MAPK4: variants seen among roughly 807,000 people sequenced by gnomAD.
The protein encoded by MAPK4 is Erk3-related.
A neutral mutation model predicts 47.7 loss-of-function variants in MAPK4; 22 were observed. The observed-to-expected ratio is 0.46, with a 90% CI of 0.33 to 0.66. The LOEUF (loss-of-function observed/expected upper bound fraction) is 0.66. Among genes scored for constraint, MAPK4 ranks in the 30% least tolerant of loss-of-function variants. The pLI is 0.02. For missense variants in MAPK4, 736 were observed against 831.7 expected, an observed-to-expected ratio of 0.88 and a Z score of 1.42; for synonymous variants, 390 against 365.7, an observed-to-expected ratio of 1.07 and a Z score of -0.76.
At chr18:50,634,216 A>G (rs1403563197) in intron 1 of MAPK4, among the ~76,000 whole-genome samples, 1 of 152,068 alleles carries the variant, frequency 6.6e-6, no homozygotes, top group African/African-American at 2.4e-5. Context: ...TCTGCTCCTG[A>G]AAGGGGCAGG....
At chr18:50,677,252 G>A (rs999026097) in intron 2 of MAPK4, among the ~76,000 whole-genome samples, 1 of 152,224 alleles carries the variant, frequency 6.6e-6, no homozygotes, top group African/African-American at 2.4e-5. Flanking sequence ...GTTGGGGACT[G>A]CTGGGCTAGA....
intron 1 of MAPK4, among the ~76,000 whole-genome samples, chr18:50,633,908 T>G (rs943798432): frequency 6.6e-6 from 1 of 152,126 alleles, no homozygotes; most frequent in African/African-American, 2.4e-5. Context: ...GCTTTCACTG[T>G]GGTGTGTTGC....
intron 1 of MAPK4, among the ~76,000 whole-genome samples, chr18:50,594,384 T>C (rs2149368984): frequency 6.6e-6 from 1 of 151,924 alleles, no homozygotes; most frequent in African/African-American, 2.4e-5. Context: ...ACAGCTGCAG[T>C]AATAAAGATA....
At chr18:50,585,191 G>A (rs2042378184) in intron 1 of MAPK4, among the ~76,000 whole-genome samples, 1 of 152,244 alleles carries the variant, frequency 6.6e-6, no homozygotes, top group Non-Finnish European at 1.5e-5. Flanking sequence ...GGTCATGGAT[G>A]TGGTCCACGG....
intron 1 of MAPK4, among the ~76,000 whole-genome samples, chr18:50,656,280 C>T (rs116461178): frequency 4.9e-4 from 75 of 152,280 alleles, no homozygotes; most frequent in African/African-American, 1.8e-3. Context: ...GCCTCTGACT[C>T]GAGGTGTCCT....
chr18:50,640,072 G>A (rs1389636187), intron 1 of MAPK4, among the ~76,000 whole-genome samples: 1 of 152,128 alleles, frequency 6.6e-6, no homozygotes, highest in Non-Finnish European at 1.5e-5. Flanking sequence ...CAGGAACTGT[G>A]AGCATAGACC....
chr18:50,629,501 G>A (rs2042810286), intron 1 of MAPK4: 1 of 152,256 alleles, frequency 6.6e-6, no homozygotes, highest in Non-Finnish European at 1.5e-5. Context: ...TCAGAGAGTT[G>A]GAGGCAGGTC....
intron 1 of MAPK4, among the ~76,000 whole-genome samples, chr18:50,596,881 A>C (rs141427966): frequency 7.2e-4 from 110 of 152,360 alleles, no homozygotes; most frequent in Non-Finnish European, 1.2e-3. Context: ...AAATCATGGG[A>C]GTAAACAGCT....
At chr18:50,713,631 G>C (rs558763385) in intron 2 of MAPK4, among the ~76,000 whole-genome samples, 16 of 152,350 alleles carry the variant, frequency 1.1e-4, no homozygotes, top group African/African-American at 3.6e-4. Flanking sequence ...CCTTGGAGGG[G>C]TGGGGATGCA....
chr18:50,689,404 T>TAAAAAAAAAAAAAAA (rs34978159), intron 2 of MAPK4, among the ~76,000 whole-genome samples: 1 of 84,850 alleles, frequency 1.2e-5, no homozygotes, highest in Admixed American at 1.3e-4. Flanking sequence ...AACTCCATCT[T>TAAAAAAAAAAAAAAA]AAAAAAAAAA....
At chr18:50,658,623 G>C (rs1271212447) in intron 1 of MAPK4, among the ~76,000 whole-genome samples, 1 of 152,234 alleles carries the variant, frequency 6.6e-6, no homozygotes. Context: ...TAAGATGCAA[G>C]TGGGGTTGCG....
At chr18:50,600,064 T>C (rs2042521281) in intron 1 of MAPK4, among the ~76,000 whole-genome samples, 1 of 152,222 alleles carries the variant, frequency 6.6e-6, no homozygotes, top group African/African-American at 2.4e-5. Flanking sequence ...ATGCCTTCAA[T>C]TCTGCCGAGT....
intron 1 of MAPK4, among the ~76,000 whole-genome samples, chr18:50,581,771 G>A (rs2042347663): frequency 1.3e-5 from 2 of 152,214 alleles, no homozygotes; most frequent in Non-Finnish European, 2.9e-5. Flanking sequence ...AGATCCAAGA[G>A]TTAGTCTGAC....
At chr18:50,722,175 C>G (rs1910972504) in intron 4 of MAPK4, 76 bp downstream of exon 4, 1 of 1,501,194 alleles carries the variant, frequency 6.7e-7, no homozygotes, top group African/African-American at 1.4e-5. Context: ...AGGGGGCAGG[C>G]AGGTCTCCTT....
chr18:50,589,872 T>C (rs561299621), intron 1 of MAPK4, among the ~76,000 whole-genome samples: 24 of 152,368 alleles, frequency 1.6e-4, no homozygotes, highest in African/African-American at 5.8e-4. Flanking sequence ...TCCATTGTCC[T>C]GTGCGTTTAG....
chr18:50,676,074 T>G (rs1346253697), intron 2 of MAPK4, among the ~76,000 whole-genome samples: 1 of 152,238 alleles, frequency 6.6e-6, no homozygotes, highest in East Asian at 1.9e-4. Context: ...GAGCCTGTAG[T>G]CAACTAACTT....
chr18:50,597,256 G>A (rs2042490481), intron 1 of MAPK4, among the ~76,000 whole-genome samples: 1 of 152,196 alleles, frequency 6.6e-6, no homozygotes, highest in Admixed American at 6.5e-5. Context: ...CCACAGGAAA[G>A]GTCTCTTGGA....
chr18:50,686,482 C>A (rs1487849478), intron 2 of MAPK4, among the ~76,000 whole-genome samples: 1 of 152,236 alleles, frequency 6.6e-6, no homozygotes, highest in Non-Finnish European at 1.5e-5. Flanking sequence ...AATGGTGCGT[C>A]CTTTCTGAAC....
At chr18:50,581,594 AAG>A (rs1371580398) in intron 1 of MAPK4, among the ~76,000 whole-genome samples, 1 of 152,236 alleles carries the variant, frequency 6.6e-6, no homozygotes, top group Non-Finnish European at 1.5e-5. Context: ...CAACTTTGTG[AAG>A]AGAGTGTCAA....
Sources: allele counts gnomAD v4.1 joint callset (sites outside exome capture counted in the v4.1 genomes callset), GRCh38; gene constraint gnomAD v4.1.1; transcripts MANE v1.5; gene names NCBI Gene and HGNC (gene_info 2026-07-23, HGNC 2026-07-21).